DDX21: variants seen among roughly 807,000 people sequenced by gnomAD.
The protein encoded by DDX21 is DExD-box helicase 21.
DDX21 carries 18 observed loss-of-function variants against 90.0 expected under a neutral mutation model. That is an observed-to-expected ratio of 0.20 (90% CI 0.14 to 0.30). The LOEUF is 0.30. Among genes scored for constraint, DDX21 ranks in the 10% least tolerant of loss-of-function variants. The probability of loss-of-function intolerance (pLI) is 1.00; values close to 1 mark genes in which losing one functional copy is unlikely to be tolerated. For missense variants in DDX21, 673 were observed against 944.5 expected (o/e 0.71, Z 3.77); for synonymous variants, 294 against 318.0 (o/e 0.92, Z 0.80).
chr10:68,981,828 C>T (rs962491139), intron 14 of DDX21, among the ~76,000 whole-genome samples: 3 of 152,016 alleles, frequency 2.0e-5, no homozygotes, highest in Admixed American at 6.6e-5. Context: ...CACCCTTTAA[C>T]ACTTATATAT....
chr10:68,982,497 T>C (rs1437068880), intron 14 of DDX21, 46 bp from the exon 15 acceptor site: 5 of 1,559,258 alleles, frequency 3.2e-6, no homozygotes, highest in African/African-American at 2.8e-5. Flanking sequence ...TTTTTAAAAA[T>C]TGAATACTAA....
chr10:68,963,176 G>A (rs1842894567), intron 3 of DDX21, 115 bp from the exon 4 acceptor site: 3 of 1,073,194 alleles, frequency 2.8e-6, no homozygotes, highest in East Asian at 5.1e-5. Context: ...TTGACCAGAA[G>A]GTAGAATTCC....
At chr10:68,979,079 ACT>A (rs1843150285) in intron 13 of DDX21, 103 bp downstream of exon 13, 3 of 1,484,690 alleles carry the variant, frequency 2.0e-6, no homozygotes, top group Non-Finnish European at 1.8e-6. Context: ...GCATCTCTTC[ACT>A]CTCTCATCTT....
At chr10:68,971,380 A>G (rs1249240392) in intron 8 of DDX21, among the ~76,000 whole-genome samples, 1 of 151,724 alleles carries the variant, frequency 6.6e-6, no homozygotes, top group East Asian at 1.9e-4. Flanking sequence ...CTATTCTCCT[A>G]CCCACCCCCA....
intron 6 of DDX21, among the ~76,000 whole-genome samples, chr10:68,968,698 A>G (rs1403828489): frequency 3.3e-5 from 5 of 152,246 alleles, no homozygotes; most frequent in Admixed American, 1.3e-4. Flanking sequence ...AAATCTTAGA[A>G]TAGATTTCGT....
At chr10:68,964,472 C>T (rs576957198) in intron 4 of DDX21, among the ~76,000 whole-genome samples, 6 of 152,156 alleles carry the variant, frequency 3.9e-5, no homozygotes, top group Non-Finnish European at 7.4e-5. Context: ...AAGCAATTCT[C>T]CTGCCTTAGC....
At chr10:68,962,049 A>G (rs1484705941) in intron 2 of DDX21, 33 bp from the exon 3 acceptor site, 4 of 1,529,666 alleles carry the variant, frequency 2.6e-6, no homozygotes, top group Non-Finnish European at 3.6e-6. Flanking sequence ...GTAGGTGATT[A>G]TTGATTTCTT....
At chr10:68,979,006 A>G in intron 13 of DDX21, 30 bp downstream of exon 13, 1 of 1,612,420 alleles carries the variant, frequency 6.2e-7, no homozygotes, top group South Asian at 1.1e-5. Flanking sequence ...TGTAACCTTG[A>G]TGGGGCTTTA....
chr10:68,979,012 C>T (rs1843149151), intron 13 of DDX21, 36 bp downstream of exon 13: 1 of 1,611,674 alleles, frequency 6.2e-7, no homozygotes, highest in Admixed American at 1.7e-5. Flanking sequence ...CTTGATGGGG[C>T]TTTATGTGGG....
chr10:68,972,092 T>G (rs950756189), intron 9 of DDX21, 40 bp downstream of exon 9: 6 of 1,580,308 alleles, frequency 3.8e-6, no homozygotes, highest in East Asian at 2.2e-5. Context: ...GTTTTGTTTT[T>G]TTTGGGTATT....
Position 68,963,330 on chromosome 10 carries a change from C to T in DDX21, c.647C>T (p.Thr216Ile). 1 of 1,613,776 alleles carries T rather than the reference C, an allele frequency of 6.2e-7. No homozygotes were observed. The highest frequency in any genetic ancestry group is 8.5e-7 in the Non-Finnish European group (1 of 1,179,852). Residue 216 changes from threonine (T) to isoleucine (I), a missense_variant, in exon 4 of 15, where the codon ACA becomes ATA. Around this residue, in one of 4 missense-constraint regions of DDX21, gnomAD observed 218 missense variants for 347.3 expected, o/e 0.63. Transcript: ENST00000354185. ...VTFLFPIQAK[T>I]FHHVYSGKDL... ...TTCCTATTTCCTATACAAGCAAAGA[C>T]ATTCCATCATGTTTACAGCGGGAAG...
intron 14 of DDX21, 36 bp from the exon 15 acceptor site, chr10:68,982,507 A>G: frequency 6.3e-7 from 1 of 1,577,572 alleles, no homozygotes; most frequent in Non-Finnish European, 8.6e-7. Context: ...TTGAATACTA[A>G]TTAAAGCACA....
intron 10 of DDX21, among the ~76,000 whole-genome samples, chr10:68,974,395 A>G (rs914627313): frequency 3.3e-5 from 5 of 152,218 alleles, no homozygotes; most frequent in Non-Finnish European, 5.9e-5. Flanking sequence ...AAGGAAAGAC[A>G]GACATGGAAT....
At chr10:68,966,760 C>T (rs1842944404) in intron 5 of DDX21, among the ~76,000 whole-genome samples, 1 of 152,088 alleles carries the variant, frequency 6.6e-6, no homozygotes, top group Non-Finnish European at 1.5e-5. Context: ...TTTTATGTCA[C>T]TTTGTACACT....
At position 68,973,570 on chromosome 10, in the gene DDX21, C is replaced by G; in HGVS notation, c.1574C>G (p.Ser525Cys). ...GATGTAGAGTCCTACATTCATCGAT[C>G]CGGGCGGACAGGCAGAGCTGGAAGG... The part of the protein sequence containing the change: ...PKDVESYIHR[S>C]GRTGRAGRTG... The change falls in exon 10 of 15, where the codon TCC (serine) becomes TGC (cysteine). Residue 525 changes from serine to cysteine, a missense_variant. Transcript: ENST00000354185. 1 of 1,614,024 alleles carries G rather than the reference C, an allele frequency of 6.2e-7. No individual in the cohort carries two copies. Among genetic ancestry groups the G allele is most frequent in the Non-Finnish European group, 8.5e-7 (1 of 1,179,976 alleles).
chr10:68,957,698 AT>A (rs1842817593), intron 1 of DDX21, among the ~76,000 whole-genome samples: 1 of 152,234 alleles, frequency 6.6e-6, no homozygotes, highest in Admixed American at 6.5e-5. Flanking sequence ...ACTCAGTCTT[AT>A]TTGGTGGAAC....
In DDX21 at chr10:68,957,052, A is replaced by G. The variant is rs573370472; in HGVS notation, c.87+740A>G. 3.2e-3 allele frequency among the ~76,000 whole-genome samples: 481 copies of G among 151,844 alleles called. 7 individuals are homozygous for G. The highest frequency in any genetic ancestry group is 0.011 in the African/African-American group (450 of 41,400). ...GCGAAACTCCATCTCAAAAAAAAAA[A>G]AAATGTGGGCACTGGAGCTTTAGAG... On this transcript the variant is annotated intron_variant, in intron 1 of 14. Transcript: ENST00000354185.
intron 11 of DDX21, among the ~76,000 whole-genome samples, chr10:68,976,313 A>G (rs1843100155): frequency 1.3e-5 from 2 of 149,966 alleles, no homozygotes; most frequent in Non-Finnish European, 1.5e-5. Context: ...TTTGAGACAG[A>G]GTCTTGCTCT....
At chr10:68,963,020 A>G (rs942926403) in intron 3 of DDX21, among the ~76,000 whole-genome samples, 1 of 151,874 alleles carries the variant, frequency 6.6e-6, no homozygotes, top group African/African-American at 2.4e-5. Context: ...CCAGCTGTCC[A>G]TCAGGCTGAG....
Sources: allele counts gnomAD v4.1 joint callset (sites outside exome capture counted in the v4.1 genomes callset), GRCh38; gene constraint gnomAD v4.1.1; regional missense constraint gnomAD v4.1.1; transcripts MANE v1.5; gene names NCBI Gene and HGNC (gene_info 2026-07-23, HGNC 2026-07-21).